ATF7IP2: variants seen among roughly 807,000 people sequenced by gnomAD.
ATF7IP2 encodes activating transcription factor 7-interacting protein 2.
Under a neutral mutation model 64.2 loss-of-function variants are expected in ATF7IP2, and 42 were observed. The observed-to-expected ratio is 0.65, with a 90% confidence interval of 0.51 to 0.85. The LOEUF is 0.85. Ranked by LOEUF, ATF7IP2 falls within the 40% of genes least tolerant of loss-of-function variation. ATF7IP2 has a pLI of 0.00. For synonymous variants in ATF7IP2, 308 were observed against 272.8 expected (o/e 1.13, Z -1.27); for missense variants, 933 against 784.2 (o/e 1.19, Z -2.27).
At position 10,438,161 on chromosome 16, in the gene ATF7IP2, C is replaced by T. The variant is rs374938781; in HGVS notation, c.1021C>T (p.Leu341=). The change falls in exon 7 of 14, where the codon CTG becomes TTG. Residue 341 remains leucine, a synonymous_variant. Coordinates refer to ENST00000562102, the MANE Select transcript of ATF7IP2 (RefSeq NM_001393719.1). Reference sequence around the variant, plus strand: ...AAATTATGAACTATTTGATAAGAAACTGAAAGAATTGAACCAACGCATTGG... The same window carrying T: ...AAATTATGAACTATTTGATAAGAAATTGAAAGAATTGAACCAACGCATTGG... ...SINYELFDKK[L]KELNQRIGKT... The T allele has an allele frequency of 1.2e-6, 2 of 1,602,692 alleles. No homozygotes were observed. The highest frequency in any genetic ancestry group is 1.1e-5 in the South Asian group (1 of 89,346).
intron 9 of ATF7IP2, among the ~76,000 whole-genome samples, chr16:10,468,201 AATTTAG>A (rs924919690): frequency 6.6e-6 from 1 of 152,146 alleles, no homozygotes; most frequent in African/African-American, 2.4e-5. Flanking sequence ...TTCTTAATAA[AATTTAG>A]ATTTAAATAT....
At position 10,480,947 on chromosome 16, in the gene ATF7IP2, G is replaced by T. The variant is rs756493244; in HGVS notation, c.1618G>T (p.Ala540Ser). 3.7e-6 allele frequency: 6 copies of T among 1,608,358 alleles called. No homozygotes were observed. Among genetic ancestry groups the T allele is most frequent in the Non-Finnish European group, 5.1e-6 (6 of 1,174,944 alleles). The change falls in exon 13 of 14, where the codon GCA becomes TCA. Residue 540 changes from alanine to serine, a missense_variant. Transcript: ENST00000562102. ...ASNSKETTPLAQNAVQVPESF... is the reference protein window; with the variant it reads ...ASNSKETTPLSQNAVQVPESF... ...AAACTCAAAGGAAACAACCCCATTG[G>T]CACAAAATGCAGTCCAGGTACTGAA...
chr16:10,446,731 A>C (rs2048817480), intron 8 of ATF7IP2: 1 of 152,102 alleles, frequency 6.6e-6, no homozygotes, highest in African/African-American at 2.4e-5. Context: ...GGGGACTATC[A>C]GGGGGAATGT....
Position 10,458,195 on chromosome 16 carries a change from G to T in ATF7IP2, c.1352+666G>T, listed in dbSNP as rs565765159. 9.2e-5 allele frequency among the ~76,000 whole-genome samples: 14 copies of T among 152,312 alleles called. No homozygotes were observed. In the South Asian group the frequency reaches 2.9e-3, roughly 32 times the overall value. On this transcript the variant is annotated intron_variant, in intron 9 of 13. Transcript: ENST00000562102. ...TTTGTTTTGGGGGATTTCACATGCA[G>T]TTGTGACCCTTCAGGAGATGCCCTA...
Position 10,482,424 on chromosome 16 carries a change from T to TTAAA in ATF7IP2, c.*178_*181dup, listed in dbSNP as rs2050271158. ...TAATTTAATGAATTTCTGGTTTGTA[T>TTAAA]TAAATATGTCCTTCCAATGGATAAG... On this transcript the variant is annotated 3_prime_UTR_variant, in exon 14 of 14. Transcript: ENST00000562102. 7.4e-6 allele frequency: 4 copies of TTAAA among 543,034 alleles called. No individual in the cohort carries two copies. The South Asian group carries it at 1.0e-4, about 14-fold the overall frequency. 33.6% of individuals were successfully genotyped at this position (543,034 alleles called of 1,614,324 possible).
intron 4 of ATF7IP2, among the ~76,000 whole-genome samples, chr16:10,429,934 C>T (rs2048191017): frequency 6.6e-6 from 1 of 151,426 alleles, no homozygotes; most frequent in Admixed American, 6.6e-5. Context: ...CTCACTGCAA[C>T]CTCCACCTCC....
At chr16:10,428,811 A>G (rs2048149721) in intron 3 of ATF7IP2, 57 bp from the exon 4 acceptor site, 1 of 152,212 alleles carries the variant, frequency 6.6e-6, no homozygotes. Context: ...CCTGTCAAAA[A>G]TAACATAGCA....
intron 1 of ATF7IP2, among the ~76,000 whole-genome samples, chr16:10,413,643 T>C (rs2047815278): frequency 1.3e-5 from 2 of 152,204 alleles, no homozygotes; most frequent in South Asian, 4.1e-4. Context: ...AGATTTATGC[T>C]TTAAAGAGGT....
At chr16:10,413,351 C>T (rs2047809379) in intron 1 of ATF7IP2, among the ~76,000 whole-genome samples, 1 of 152,144 alleles carries the variant, frequency 6.6e-6, no homozygotes, top group Non-Finnish European at 1.5e-5. Flanking sequence ...GGGGTTTCCG[C>T]TTTTGCTGCT....
intron 6 of ATF7IP2, among the ~76,000 whole-genome samples, chr16:10,437,497 T>C (rs2048461656): frequency 3.3e-5 from 5 of 152,262 alleles, no homozygotes; most frequent in African/African-American, 1.2e-4. Context: ...TGGTGCTCTT[T>C]TGCGTATTAC....
At chr16:10,406,333 T>A (rs1359057834) in intron 1 of ATF7IP2, among the ~76,000 whole-genome samples, 1 of 152,148 alleles carries the variant, frequency 6.6e-6, no homozygotes, top group Non-Finnish European at 1.5e-5. Flanking sequence ...CTTGATCTCC[T>A]GGGCTCAAGC....
At chr16:10,463,530 C>G (rs1439792700) in intron 9 of ATF7IP2, among the ~76,000 whole-genome samples, 1 of 152,188 alleles carries the variant, frequency 6.6e-6, no homozygotes, top group Non-Finnish European at 1.5e-5. Flanking sequence ...ATGCAGAGCT[C>G]TACATGGTGA....
chr16:10,460,469 A>C (rs1596578247), intron 9 of ATF7IP2, among the ~76,000 whole-genome samples: 1 of 152,202 alleles, frequency 6.6e-6, no homozygotes, highest in African/African-American at 2.4e-5. Context: ...AGGATATTAC[A>C]AAGCTACAGT....
At chr16:10,475,601 G>T (rs1252700542) in intron 12 of ATF7IP2, among the ~76,000 whole-genome samples, 1 of 151,014 alleles carries the variant, frequency 6.6e-6, no homozygotes, top group Non-Finnish European at 1.5e-5. Context: ...GCTGAGGCAG[G>T]AGAATGGCGC....
chr16:10,406,327 A>G (rs1486203549), intron 1 of ATF7IP2, among the ~76,000 whole-genome samples: 2 of 152,040 alleles, frequency 1.3e-5, no homozygotes, highest in African/African-American at 4.8e-5. Flanking sequence ...GCTGGTCTTG[A>G]TCTCCTGGGC....
chr16:10,462,063 G>A (rs1187822871), intron 9 of ATF7IP2, among the ~76,000 whole-genome samples: 5 of 151,676 alleles, frequency 3.3e-5, no homozygotes, highest in African/African-American at 7.3e-5. Flanking sequence ...TAATTTTACC[G>A]TTTTCATTAT....
chr16:10,456,024 G>A (rs1037884841), intron 8 of ATF7IP2, among the ~76,000 whole-genome samples: 3 of 151,748 alleles, frequency 2.0e-5, no homozygotes, highest in Admixed American at 1.3e-4. Context: ...CTGTTGCCCA[G>A]GCTGGAGTGC....
At chr16:10,386,477 G>A (rs2047206443) in intron 1 of ATF7IP2, 1 of 152,232 alleles carries the variant, frequency 6.6e-6, no homozygotes, top group East Asian at 1.9e-4. Context: ...CTCTTGTCCG[G>A]AATGCTTTCA....
At chr16:10,407,295 A>T (rs1398133039) in intron 1 of ATF7IP2, among the ~76,000 whole-genome samples, 1 of 152,206 alleles carries the variant, frequency 6.6e-6, no homozygotes, top group Non-Finnish European at 1.5e-5. Context: ...TCTACAAAAG[A>T]ACTACAAACC....
Sources: allele counts gnomAD v4.1 joint callset (sites outside exome capture counted in the v4.1 genomes callset), GRCh38; gene constraint gnomAD v4.1.1; transcripts MANE v1.5; gene names NCBI Gene and HGNC (gene_info 2026-07-23, HGNC 2026-07-21).